SLC1A1: variants seen among roughly 807,000 people sequenced by gnomAD.
The protein encoded by SLC1A1 is excitatory amino acid transporter 3.
In SLC1A1, 43 loss-of-function variants were observed where a neutral mutation model predicts 53.3. That is an observed-to-expected ratio of 0.81 (90% CI 0.63 to 1.04). The LOEUF (loss-of-function observed/expected upper bound fraction) is 1.04, where lower values mean the gene tolerates loss of function less well. Among genes scored for constraint, SLC1A1 ranks in the 50% least tolerant of loss-of-function variants. The pLI is 0.00. For missense variants in SLC1A1, 748 were observed against 664.9 expected (o/e 1.12, Z -1.37); for synonymous variants, 307 against 243.2 (o/e 1.26, Z -2.44).
In SLC1A1 at chr9:4,555,830, G is replaced by A. The variant is rs191870930; in HGVS notation, c.233-5619G>A. Among the ~76,000 whole-genome samples, 36 of 152,316 alleles carry A rather than the reference G, an allele frequency of 2.4e-4. No homozygotes were observed. The East Asian group carries it at 2.7e-3, about 11-fold the overall frequency. On this transcript the variant is annotated intron_variant, in intron 2 of 11. Coordinates refer to ENST00000262352, the MANE Select transcript of SLC1A1 (RefSeq NM_004170.6). ...TGAAAGCCCACAGTAACTGGTCTCC[G>A]CACCAGGGCTTCACAAAACATCTAG...
In SLC1A1 at chr9:4,564,566, T is replaced by C. The variant is rs1407373119; in HGVS notation, c.440+108T>C. The stretch of plus-strand genomic sequence containing the variant: ...ACTGTATTGAAATTTTTAATAACTT[T>C]TGAATTATTGTGCACTTTCATTTTG... On this transcript the variant is annotated intron_variant, in intron 4 of 11. Coordinates refer to ENST00000262352, the MANE Select transcript of SLC1A1 (RefSeq NM_004170.6). The C allele has an allele frequency of 5.8e-5, 44 of 758,718 alleles. No individual in the cohort carries two copies. In the East Asian group the frequency reaches 1.1e-3, roughly 19 times the overall value. 47.0% of individuals were successfully genotyped at this position (758,718 alleles called of 1,614,324 possible).
intron 10 of SLC1A1, among the ~76,000 whole-genome samples, chr9:4,581,813 A>G (rs1233528803): frequency 6.6e-6 from 1 of 152,192 alleles, no homozygotes; most frequent in Non-Finnish European, 1.5e-5. Flanking sequence ...CACTGAATGA[A>G]AATACACTTG....
chr9:4,566,108 GC>G lies in SLC1A1; in HGVS notation c.483+22del. 2 of 1,601,020 alleles carry G rather than the reference GC, an allele frequency of 1.2e-6. No individual in the cohort carries two copies. Among genetic ancestry groups the G allele is most frequent in the Non-Finnish European group, 1.7e-6 (2 of 1,168,402 alleles). ...TCAGCAGGTAATATTAATTACTTGT[GC>G]CCTTAACTTGCTACCCTCTTCCCAT... On this transcript the variant is annotated intron_variant, in intron 5 of 11. Coordinates refer to ENST00000262352, the MANE Select transcript of SLC1A1 (RefSeq NM_004170.6).
chr9:4,511,566 T>TACACACACACAC (rs113277990), intron 1 of SLC1A1, among the ~76,000 whole-genome samples: 2,413 of 146,306 alleles, frequency 0.016, 35 homozygotes, highest in African/African-American at 0.037. Context: ...TTAAGAATTC[T>TACACACACACAC]ACACACACAC....
rs773809284 is a variant in SLC1A1, at chr9:4,567,744, G to A, written c.559G>A (p.Val187Ile). The change falls in exon 6 of 12, where the codon GTC (valine) becomes ATC (isoleucine). Residue 187 changes from valine (V) to isoleucine (I), a missense_variant. Physicochemically the swap from Val to Ile is conservative, Grantham distance 29. Transcript: ENST00000262352. ...CATGACAGAAGAGTCCTTCACAGCT[G>A]TCATGACAACTGCAATTTCCAAGGT... ...MNMTEESFTAVMTTAISKNKT... is the reference protein window; with the variant it reads ...MNMTEESFTAIMTTAISKNKT... 6.2e-7 allele frequency: 1 copy of A among 1,611,326 alleles called. No individual in the cohort carries two copies. The highest frequency in any genetic ancestry group is 8.5e-7 in the Non-Finnish European group (1 of 1,177,626).
chr9:4,502,246 G>C (rs1372303323), intron 1 of SLC1A1, among the ~76,000 whole-genome samples: 1 of 151,186 alleles, frequency 6.6e-6, no homozygotes, highest in Non-Finnish European at 1.5e-5. Flanking sequence ...AATTAACCAG[G>C]TGTGGTGGGT....
intron 5 of SLC1A1, 49 bp downstream of exon 5, chr9:4,566,138 C>T (rs780009022): frequency 1.3e-6 from 2 of 1,512,316 alleles, no homozygotes; most frequent in Non-Finnish European, 1.8e-6. Context: ...TTCCCATTAT[C>T]AATTAAAAAT....
chr9:4,517,708 G>A (rs1324453701), intron 1 of SLC1A1, among the ~76,000 whole-genome samples: 1 of 152,056 alleles, frequency 6.6e-6, no homozygotes, highest in Non-Finnish European at 1.5e-5. Flanking sequence ...AAATTGGGTG[G>A]TCTCACACAA....
intron 1 of SLC1A1, among the ~76,000 whole-genome samples, chr9:4,518,171 G>A (rs1454042466): frequency 7.2e-6 from 1 of 139,220 alleles, no homozygotes; most frequent in Non-Finnish European, 1.5e-5. Flanking sequence ...GGAGGCAGAG[G>A]TTGCAGTGAG....
chr9:4,512,270 T>C (rs7029501), intron 1 of SLC1A1, among the ~76,000 whole-genome samples: 102,552 of 152,000 alleles, frequency 0.67, 34,844 homozygotes, highest in African/African-American at 0.74. Context: ...CCCAGCACTT[T>C]GGGAGGCTGA....
intron 1 of SLC1A1, among the ~76,000 whole-genome samples, chr9:4,497,947 A>G (rs1203612414): frequency 6.6e-6 from 1 of 152,224 alleles, no homozygotes; most frequent in Non-Finnish European, 1.5e-5. Context: ...GTAGTGGACT[A>G]TCTGGTATGA....
At chr9:4,522,170 G>C (rs1426146442) in intron 1 of SLC1A1, among the ~76,000 whole-genome samples, 4 of 149,214 alleles carry the variant, frequency 2.7e-5, no homozygotes, top group African/African-American at 9.9e-5. Context: ...TCCTGCCTAA[G>C]CCTCCCGAGT....
At chr9:4,495,929 G>A (rs73396177) in intron 1 of SLC1A1, among the ~76,000 whole-genome samples, 4,407 of 152,240 alleles carry the variant, frequency 0.029, 198 homozygotes, top group African/African-American at 0.1. Flanking sequence ...CACGGTGGAC[G>A]TGTTGAGTTT....
At chr9:4,516,358 G>A (rs1361847951) in intron 1 of SLC1A1, among the ~76,000 whole-genome samples, 1 of 152,200 alleles carries the variant, frequency 6.6e-6, no homozygotes, top group Non-Finnish European at 1.5e-5. Flanking sequence ...GGCTGGCTGT[G>A]GGGATGTGGC....
In SLC1A1 at chr9:4,586,616, T is replaced by C. The variant is rs1257273806; in HGVS notation, c.*1058T>C. ...GGAAGGCTTTATTCTTCCAAGTTCA[T>C]TCATACTCAAAGAGGCCAGTACTTT... is the stretch of plus-strand genomic sequence containing the variant. On this transcript the variant is annotated 3_prime_UTR_variant, in exon 12 of 12. Transcript: ENST00000262352. 1 of 152,222 alleles carries C rather than the reference T, an allele frequency of 6.6e-6. No homozygotes were observed. The highest frequency in any genetic ancestry group is 1.5e-5 in the Non-Finnish European group (1 of 68,040). 9.4% of individuals were successfully genotyped at this position (152,222 alleles called of 1,614,324 possible).
intron 1 of SLC1A1, among the ~76,000 whole-genome samples, chr9:4,538,000 T>C (rs774053957): frequency 2.0e-5 from 3 of 152,212 alleles, no homozygotes; most frequent in Non-Finnish European, 4.4e-5. Context: ...AGAATACAGA[T>C]TGTAAATAAT....
chr9:4,528,433 G>T (rs755106618), intron 1 of SLC1A1, among the ~76,000 whole-genome samples: 7 of 151,730 alleles, frequency 4.6e-5, no homozygotes, highest in Non-Finnish European at 7.4e-5. Context: ...AAAATTAGCT[G>T]GGCATGGTGG....
At position 4,533,131 on chromosome 9, in the gene SLC1A1, G is replaced by T. The variant is rs376480039; in HGVS notation, c.92-11436G>T. ...AACACACCAAATTGTAAAGACCAGA[G>T]AGGCTAGGAAGAAACTGCATCAACT... On this transcript the variant is annotated intron_variant, in intron 1 of 11. Coordinates refer to ENST00000262352, the MANE Select transcript of SLC1A1 (RefSeq NM_004170.6). 2.2e-4 allele frequency among the ~76,000 whole-genome samples: 33 copies of T among 152,306 alleles called. 1 individual carries two copies. Among genetic ancestry groups the T allele is most frequent in the Middle Eastern group, 6.8e-3 (2 of 294 alleles).
chr9:4,577,316 C>T (rs183817994), intron 10 of SLC1A1, among the ~76,000 whole-genome samples: 2 of 152,150 alleles, frequency 1.3e-5, no homozygotes, highest in Non-Finnish European at 2.9e-5. Flanking sequence ...CTAGTTACAG[C>T]ATACAGATTT....
Sources: allele counts gnomAD v4.1 joint callset (sites outside exome capture counted in the v4.1 genomes callset), GRCh38; gene constraint gnomAD v4.1.1; transcripts MANE v1.5; gene names NCBI Gene and HGNC (gene_info 2026-07-23, HGNC 2026-07-21).